Variants in NFYA observed in about 807,000 individuals in gnomAD.
The protein encoded by NFYA is nuclear transcription factor Y subunit alpha.
A neutral mutation model predicts 52.8 loss-of-function variants in NFYA; 28 were observed. The ratio of observed to expected loss-of-function variants is 0.53; its 90% CI spans 0.39 to 0.73. The LOEUF (loss-of-function observed/expected upper bound fraction) is 0.73. Ranked by LOEUF, NFYA falls within the 30% of genes least tolerant of loss-of-function variation. The probability of loss-of-function intolerance (pLI) is 0.00; values close to 1 mark genes in which losing one functional copy is unlikely to be tolerated. For missense variants in NFYA, 234 were observed against 427.0 expected (o/e 0.55, Z 3.98); for synonymous variants, 150 against 150.7 (o/e 1.00, Z 0.03).
intron 1 of NFYA, among the ~76,000 whole-genome samples, chr6:41,074,133 C>T (rs1352974484): frequency 6.6e-6 from 1 of 152,054 alleles, no homozygotes; most frequent in African/African-American, 2.4e-5. Context: ...TTTTTGCCTT[C>T]GCCTTTCTAT....
rs546355831 is a variant in NFYA, at chr6:41,100,845, A to G, written c.*3435A>G. Among the ~76,000 whole-genome samples, 2 of 152,226 alleles carry G rather than the reference A, an allele frequency of 1.3e-5. No homozygotes were observed. The highest frequency in any genetic ancestry group is 2.9e-5 in the Non-Finnish European group (2 of 68,038). ...ACCTCCAGCCCCTTCTCCCCGGGGAAGTAGGCCCCGCTAAGAATGTGGGAA... is the reference window on the plus strand; with the variant it reads ...ACCTCCAGCCCCTTCTCCCCGGGGAGGTAGGCCCCGCTAAGAATGTGGGAA... On this transcript the variant is annotated 3_prime_UTR_variant, in exon 10 of 10. Transcript: ENST00000341376.
chr6:41,091,368 C>T (rs1764193576), intron 6 of NFYA, among the ~76,000 whole-genome samples, 160 bp from the exon 7 acceptor site: 1 of 152,188 alleles, frequency 6.6e-6, no homozygotes, highest in South Asian at 2.1e-4. Context: ...TTATATATAG[C>T]ACACCACAGT....
At chr6:41,082,937 C>CGGT (rs1376330468) in intron 3 of NFYA, among the ~76,000 whole-genome samples, 1 of 152,092 alleles carries the variant, frequency 6.6e-6, no homozygotes, top group Non-Finnish European at 1.5e-5. Context: ...GCAGTGGCGG[C>CGGT]GGTGGTGGTG....
Position 41,099,311 on chromosome 6 carries a change from G to A in NFYA, c.*1901G>A, listed in dbSNP as rs1391596288. The stretch of plus-strand genomic sequence containing the variant: ...TTCCTTGGTTAATTTAGGAGTCTAA[G>A]ATGCAGAGTTCAGAAAGAAATTACT... On this transcript the variant is annotated 3_prime_UTR_variant, in exon 10 of 10. Transcript: ENST00000341376. The A allele has an allele frequency of 6.6e-6, 1 of 152,360 alleles. No individual in the cohort carries two copies. The highest frequency in any genetic ancestry group is 1.9e-4 in the East Asian group (1 of 5,190). 9.4% of individuals were successfully genotyped at this position (152,360 alleles called of 1,614,324 possible).
At chr6:41,079,220 C>T (rs778615190) in intron 2 of NFYA, 56 bp downstream of exon 2, 153 of 1,522,514 alleles carry the variant, frequency 1.0e-4, no homozygotes, top group Middle Eastern at 1.7e-4. Flanking sequence ...AACAGCACCA[C>T]TCAATTGGTT....
chr6:41,076,409 A>C (rs1476556788), intron 1 of NFYA, among the ~76,000 whole-genome samples: 1 of 152,238 alleles, frequency 6.6e-6, no homozygotes, highest in Non-Finnish European at 1.5e-5. Context: ...AAAAGTTAAA[A>C]AGCTACTGTT....
chr6:41,094,164 TA>T (rs1161487682), intron 8 of NFYA, among the ~76,000 whole-genome samples: 1 of 152,036 alleles, frequency 6.6e-6, no homozygotes, highest in South Asian at 2.1e-4. Context: ...TTATTTTTTT[TA>T]AAAAAAATTC....
chr6:41,082,520 A>G (rs1253100400), intron 3 of NFYA, among the ~76,000 whole-genome samples: 1 of 152,188 alleles, frequency 6.6e-6, no homozygotes, highest in Non-Finnish European at 1.5e-5. Context: ...TAGCACATCA[A>G]TTGGGGAGGA....
intron 1 of NFYA, 56 bp from the exon 2 acceptor site, chr6:41,078,973 T>TG (rs1763830768): frequency 1.3e-6 from 1 of 752,050 alleles, no homozygotes; most frequent in African/African-American, 1.7e-5. Context: ...GTTAATTGTC[T>TG]GGTAAGGCCT....
chr6:41,083,306 A>G (rs987511252), intron 3 of NFYA, among the ~76,000 whole-genome samples: 3 of 152,332 alleles, frequency 2.0e-5, no homozygotes, highest in East Asian at 1.9e-4. Context: ...TGTAATTTCA[A>G]TATTTGTTGT....
chr6:41,084,009 T>TA, intron 3 of NFYA, 37 bp from the exon 4 acceptor site: 2 of 1,555,568 alleles, frequency 1.3e-6, no homozygotes, highest in Middle Eastern at 1.7e-4. Context: ...TTTTGTGTCT[T>TA]ATGTTATTTC....
At position 41,073,074 on chromosome 6, in the gene NFYA, A is replaced by C. The variant is rs966335759; in HGVS notation, c.-72A>C. Reference sequence around the variant, plus strand: ...ATCAGCGCGGGCAGCGAACCGGGGGAGCGAGGCACGGTGAGTGTGAGGAGC... The same window carrying C: ...ATCAGCGCGGGCAGCGAACCGGGGGCGCGAGGCACGGTGAGTGTGAGGAGC... On this transcript the variant is annotated 5_prime_UTR_variant, in exon 1 of 10. Transcript: ENST00000341376. 1 of 153,528 alleles carries C rather than the reference A, an allele frequency of 6.5e-6. No homozygotes were observed. Among genetic ancestry groups the C allele is most frequent in the Non-Finnish European group, 1.5e-5 (1 of 68,348 alleles). The allele number at this position is 153,528 out of a possible 1,614,324, so 9.5% of individuals were successfully genotyped here. A position where few individuals can be genotyped will look rare whatever the true frequency, so the allele number is the denominator to read the frequency against.
At chr6:41,092,670 G>A (rs1764227373) in intron 7 of NFYA, among the ~76,000 whole-genome samples, 1 of 152,120 alleles carries the variant, frequency 6.6e-6, no homozygotes, top group African/African-American at 2.4e-5. Flanking sequence ...ACATGAATTA[G>A]GGCATGGTTA....
chr6:41,092,909 C>T lies in NFYA; in HGVS notation c.715-3C>T. On this transcript the variant is annotated splice_region_variant and splice_polypyrimidine_tract_variant and intron_variant, in intron 7 of 9. Transcript: ENST00000341376. Reference sequence around the variant, plus strand: ...AATAAGCTCTGGTTTCCTGTTCACACAGATGGTTCCTGGGGCTGGCTCTGT... The same window carrying T: ...AATAAGCTCTGGTTTCCTGTTCACATAGATGGTTCCTGGGGCTGGCTCTGT... 1 of 1,612,810 alleles carries T rather than the reference C, an allele frequency of 6.2e-7. No individual in the cohort carries two copies. Among genetic ancestry groups the T allele is most frequent in the Non-Finnish European group, 8.5e-7 (1 of 1,179,286 alleles).
intron 1 of NFYA, 79 bp from the exon 2 acceptor site, chr6:41,078,950 A>G: frequency 3.2e-6 from 2 of 627,056 alleles, no homozygotes; most frequent in Non-Finnish European, 5.7e-6. Flanking sequence ...AAGTACAGTG[A>G]TAAATTATCC....
chr6:41,086,028 T>C (rs1764034083), intron 4 of NFYA, among the ~76,000 whole-genome samples: 2 of 152,254 alleles, frequency 1.3e-5, no homozygotes, highest in Admixed American at 6.5e-5. Context: ...TCTCTTTGCA[T>C]AAATATATGA....
intron 3 of NFYA, among the ~76,000 whole-genome samples, chr6:41,082,937 C>T (rs987540608): frequency 5.3e-5 from 8 of 152,210 alleles, no homozygotes; most frequent in South Asian, 2.1e-4. Context: ...GCAGTGGCGG[C>T]GGTGGTGGTG....
rs1208052393 is a variant in NFYA, at chr6:41,099,699, GT to G, written c.*2291del. The G allele has an allele frequency of 6.8e-6, 1 of 146,932 alleles. No homozygotes were observed. Among genetic ancestry groups the G allele is most frequent in the Non-Finnish European group, 1.5e-5 (1 of 67,014 alleles). 9.1% of individuals were successfully genotyped at this position (146,932 alleles called of 1,614,324 possible). On this transcript the variant is annotated 3_prime_UTR_variant, in exon 10 of 10. Transcript: ENST00000341376. ...GAATGAATAATTGGTTTAATGCCTAGTTATGCAACTTGAGTGCTTTTTTTTT... is the reference window on the plus strand; with the variant it reads ...GAATGAATAATTGGTTTAATGCCTAGTATGCAACTTGAGTGCTTTTTTTTT...
intron 5 of NFYA, 51 bp downstream of exon 5, chr6:41,089,761 A>G (rs1251431399): frequency 6.3e-7 from 1 of 1,587,252 alleles, no homozygotes; most frequent in Non-Finnish European, 8.6e-7. Flanking sequence ...TGGAAGAGTC[A>G]GATAACTGAG....
Sources: gnomAD v4.1 joint callset for allele counts (sites outside exome capture counted in the v4.1 genomes callset) on GRCh38, gnomAD v4.1.1 for gene constraint, MANE v1.5 for transcripts, NCBI Gene and HGNC (gene_info 2026-07-23, HGNC 2026-07-21) for gene names.